The following SPTBN1 variants were observed in gnomAD, a reference collection of about 807,000 sequenced individuals.
SPTBN1 encodes the protein spectrin beta chain, non-erythrocytic 1.
Under a neutral mutation model 266.4 loss-of-function variants are expected in SPTBN1, and 32 were observed. The ratio of observed to expected loss-of-function variants is 0.12; its 90% confidence interval spans 0.09 to 0.16. SPTBN1 has a LOEUF of 0.16. Among genes scored for constraint, SPTBN1 ranks in the 10% least tolerant of loss-of-function variants. The pLI is 1.00. For synonymous variants in SPTBN1, 1,336 were observed against 1,162.2 expected (o/e 1.15, Z -3.04); for missense variants, 2,296 against 3,067.1 (o/e 0.75, Z 5.94).
At chr2:54,584,157 T>A (rs905601597) in intron 2 of SPTBN1, among the ~76,000 whole-genome samples, 8 of 152,234 alleles carry the variant, frequency 5.3e-5, no homozygotes, top group Admixed American at 1.3e-4. Context: ...AAGGGACTCT[T>A]GCATTCAGTA....
chr2:54,556,369 G>A (rs1167685812), intron 2 of SPTBN1, among the ~76,000 whole-genome samples: 4 of 152,134 alleles, frequency 2.6e-5, no homozygotes, highest in Admixed American at 6.5e-5. Context: ...GGCTACGTTC[G>A]TCCCAGCTCT....
intron 4 of SPTBN1, among the ~76,000 whole-genome samples, chr2:54,615,879 G>T (rs1255850871): frequency 6.6e-6 from 1 of 152,182 alleles, no homozygotes; most frequent in Non-Finnish European, 1.5e-5. Flanking sequence ...TTTTCTGGGG[G>T]TCTGGTGAGA....
intron 28 of SPTBN1, 90 bp from the exon 29 acceptor site, chr2:54,655,824 G>C: frequency 1.0e-6 from 1 of 970,646 alleles, no homozygotes; most frequent in Admixed American, 2.1e-5. Context: ...GGTCTTTGCA[G>C]AAAATGTATT....
At chr2:54,651,881 GTTC>G (rs1680313845) in intron 26 of SPTBN1, among the ~76,000 whole-genome samples, 1 of 152,272 alleles carries the variant, frequency 6.6e-6, no homozygotes. Context: ...AAGCCTGTTG[GTTC>G]TTCTTTGTAT....
At chr2:54,532,710 C>T (rs1269175850) in intron 2 of SPTBN1, among the ~76,000 whole-genome samples, 1 of 152,204 alleles carries the variant, frequency 6.6e-6, no homozygotes, top group Non-Finnish European at 1.5e-5. Flanking sequence ...GCCTTGGTAT[C>T]ATGGAACATG....
rs1391812583 is a variant in SPTBN1, at chr2:54,645,989, C to G, written c.4556C>G (p.Thr1519Ser). 6.2e-7 allele frequency: 1 copy of G among 1,614,240 alleles called. No homozygotes were observed. The highest frequency in any genetic ancestry group is 8.5e-7 in the Non-Finnish European group (1 of 1,180,050). The change falls in exon 22 of 36, where the codon ACT (threonine) becomes AGT (serine). Residue 1519 changes from threonine to serine, a missense_variant. Thr to Ser is a moderately conservative substitution (Grantham distance 58). Around this residue, in one of 12 missense-constraint regions of SPTBN1, gnomAD observed 644 missense variants for 745.3 expected, o/e 0.86. Coordinates refer to ENST00000356805, the MANE Select transcript of SPTBN1 (RefSeq NM_003128.3). This position sits in a 1 kb window ranked among gnomAD's most constrained non-coding sequence, Gnocchi z 4.3. ...ACGGATCATGGCCACAACCTCCAGA[C>G]TGTGCAGCTGTTAATAAAGAAAAAT... is the stretch of plus-strand genomic sequence containing the variant. ...TSTDHGHNLQ[T>S]VQLLIKKNQT... is the part of the protein sequence containing the mutation.
In SPTBN1 at chr2:54,670,501, C is replaced by G. The variant is rs115458719; in HGVS notation, c.*1932C>G. 9,305 of 393,616 alleles carry G rather than the reference C, an allele frequency of 0.024. 154 individuals carry two copies. Among genetic ancestry groups the G allele is most frequent in the South Asian group, 0.069 (479 of 6,984 alleles). 24.4% of individuals were successfully genotyped at this position (393,616 alleles called of 1,614,324 possible). On this transcript the variant is annotated 3_prime_UTR_variant, in exon 36 of 36. Coordinates refer to ENST00000356805, the MANE Select transcript of SPTBN1 (RefSeq NM_003128.3). Reference sequence around the variant, plus strand: ...TCTAGGCAAACTGAGACCTCACCATCCTCTCCCCTGCTTCCCACGACAGTC... The same window carrying G: ...TCTAGGCAAACTGAGACCTCACCATGCTCTCCCCTGCTTCCCACGACAGTC...
At chr2:54,618,294 T>C (rs1439157775) in intron 7 of SPTBN1, 101 bp downstream of exon 7, 7 of 1,029,364 alleles carry the variant, frequency 6.8e-6, no homozygotes, top group Admixed American at 2.7e-5. Flanking sequence ...TTGGGAGTTA[T>C]CAAAGGAAGA....
intron 2 of SPTBN1, among the ~76,000 whole-genome samples, chr2:54,562,696 TTGTGTGTGTGTG>T (rs55947327): frequency 1.2e-4 from 15 of 122,598 alleles, no homozygotes; most frequent in African/African-American, 2.9e-4. Flanking sequence ...AAACCCTGCT[TTGTGTGTGTGTG>T]TGTGTGTGTG....
In SPTBN1 at chr2:54,645,114, C is replaced by T. The variant is rs1679832373; in HGVS notation, c.4270-115C>T. 9 of 1,014,542 alleles carry T rather than the reference C, an allele frequency of 8.9e-6. No homozygotes were observed. The South Asian group carries it at 1.4e-4, about 16-fold the overall frequency. The allele number at this position is 1,014,542 out of a possible 1,614,324, so 62.8% of individuals were successfully genotyped here. On this transcript the variant is annotated intron_variant, in intron 20 of 35. Coordinates refer to ENST00000356805, the MANE Select transcript of SPTBN1 (RefSeq NM_003128.3). The surrounding 1 kb of genome is among the most constrained non-coding windows in gnomAD (Gnocchi z 4.3). ...AGTCAGTGGCAAAATGTTTGAGTGG[C>T]TCCCATGGCTGGCTTTGCGGTGTGG...
intron 1 of SPTBN1, among the ~76,000 whole-genome samples, chr2:54,477,559 T>C (rs984981756): frequency 6.6e-6 from 1 of 152,192 alleles, no homozygotes; most frequent in African/African-American, 2.4e-5. Context: ...AAACACACTT[T>C]TAAAGCTGTC....
chr2:54,593,653 G>C (rs1035431339), intron 2 of SPTBN1, among the ~76,000 whole-genome samples: 3 of 151,946 alleles, frequency 2.0e-5, no homozygotes, highest in African/African-American at 7.3e-5. Context: ...ATACTCTGAA[G>C]GTGGTGCAAG....
At chr2:54,661,504 C>T (rs903502775) in intron 32 of SPTBN1, 2 of 985,644 alleles carry the variant, frequency 2.0e-6, no homozygotes, top group African/African-American at 3.5e-5. Context: ...TCTCTATGTA[C>T]ATATCTATCT....
chr2:54,657,747 T>C lies in SPTBN1; in HGVS notation c.6047-103T>C. On this transcript the variant is annotated intron_variant, in intron 29 of 35. Coordinates refer to ENST00000356805, the MANE Select transcript of SPTBN1 (RefSeq NM_003128.3). ...TTTAGAGTAGACGATAGACTGGTTA[T>C]GCAGGTAGCCATCACCAGAGGGCAG... 2.2e-6 allele frequency: 3 copies of C among 1,369,032 alleles called. No individual in the cohort carries two copies. In the East Asian group the frequency reaches 7.0e-5, roughly 32 times the overall value. The allele number at this position is 1,369,032 out of a possible 1,614,324, so 84.8% of individuals were successfully genotyped here.
chr2:54,474,764 A>C (rs866144379), intron 1 of SPTBN1, among the ~76,000 whole-genome samples: 2 of 152,188 alleles, frequency 1.3e-5, no homozygotes, highest in Non-Finnish European at 2.9e-5. Flanking sequence ...GGAGGGGAGA[A>C]TGGATGAGAT....
chr2:54,666,919 A>G (rs1398297080), intron 34 of SPTBN1, among the ~76,000 whole-genome samples: 1 of 152,170 alleles, frequency 6.6e-6, no homozygotes, highest in Admixed American at 6.5e-5. Context: ...AACACTTTAC[A>G]TTTTGTAGGA....
intron 29 of SPTBN1, 132 bp from the exon 30 acceptor site, chr2:54,657,718 C>A: frequency 9.4e-7 from 1 of 1,063,862 alleles, no homozygotes; most frequent in Non-Finnish European, 1.4e-6. Context: ...TTGGACAGGG[C>A]TAATTTAGAG....
In SPTBN1 at chr2:54,670,215, A is replaced by C. The variant is rs1387277390; in HGVS notation, c.*1646A>C. 6.5e-6 allele frequency: 1 copy of C among 152,992 alleles called. No individual in the cohort carries two copies. Among genetic ancestry groups the C allele is most frequent in the Non-Finnish European group, 1.5e-5 (1 of 68,644 alleles). The allele number at this position is 152,992 out of a possible 1,614,324, so 9.5% of individuals were successfully genotyped here. A position where few individuals can be genotyped will look rare whatever the true frequency, so the allele number is the denominator to read the frequency against. On this transcript the variant is annotated 3_prime_UTR_variant, in exon 36 of 36. Coordinates refer to ENST00000356805, the MANE Select transcript of SPTBN1 (RefSeq NM_003128.3). ...ACAGATCAGACCAAAAAGAAGAAAA[A>C]AAAAAAACAGGCAAGAGGTTAGGTT...
intron 1 of SPTBN1, among the ~76,000 whole-genome samples, chr2:54,457,108 C>T (rs1332963226): frequency 6.6e-6 from 1 of 151,192 alleles, no homozygotes; most frequent in Admixed American, 6.6e-5. Context: ...CGGCCCCGCG[C>T]CCCCACCTCC....
Sources: gnomAD v4.1 joint callset for allele counts (sites outside exome capture counted in the v4.1 genomes callset) on GRCh38, gnomAD v4.1.1 for gene constraint, gnomAD v4.1.1 regional missense constraint, Gnocchi (gnomAD v3.1) non-coding constraint, MANE v1.5 for transcripts, NCBI Gene and HGNC (gene_info 2026-07-23, HGNC 2026-07-21) for gene names.